The following SPOCK3 variants were observed in gnomAD, a reference collection of about 807,000 sequenced individuals.
SPOCK3 encodes testican-3.
SPOCK3 carries 30 observed loss-of-function variants against 56.6 expected under a neutral mutation model. That is an observed-to-expected ratio of 0.53 (90% CI 0.40 to 0.72). SPOCK3 has a LOEUF of 0.72. Among genes scored for constraint, SPOCK3 ranks in the 30% least tolerant of loss-of-function variants. SPOCK3 has a pLI of 0.00. For missense variants in SPOCK3, 527 were observed against 530.0 expected (o/e 0.99, Z 0.06); for synonymous variants, 196 against 183.3 (o/e 1.07, Z -0.56).
chr4:167,011,658 T>C (rs762834604), intron 3 of SPOCK3, among the ~76,000 whole-genome samples: 2 of 152,134 alleles, frequency 1.3e-5, no homozygotes, highest in Admixed American at 6.6e-5. Context: ...TAGTAAGCCT[T>C]GAGCTTTAAG....
At chr4:166,825,919 A>G (rs1745419750) in intron 6 of SPOCK3, among the ~76,000 whole-genome samples, 1 of 152,056 alleles carries the variant, frequency 6.6e-6, no homozygotes, top group Non-Finnish European at 1.5e-5. Flanking sequence ...AGTGAGGAAT[A>G]AAAGACTGCA....
chr4:166,950,593 C>T (rs2150035003), intron 4 of SPOCK3, among the ~76,000 whole-genome samples: 1 of 151,700 alleles, frequency 6.6e-6, no homozygotes, highest in South Asian at 2.1e-4. Context: ...ACCTAATAGA[C>T]ATCTAAAGAA....
At chr4:166,892,607 T>C (rs1008802720) in intron 5 of SPOCK3, among the ~76,000 whole-genome samples, 2 of 152,084 alleles carry the variant, frequency 1.3e-5, no homozygotes, top group Non-Finnish European at 2.9e-5. Flanking sequence ...CTGAAATATT[T>C]ATAAAGGTAT....
chr4:167,017,908 T>C (rs1410781291), intron 3 of SPOCK3, among the ~76,000 whole-genome samples: 1 of 152,096 alleles, frequency 6.6e-6, no homozygotes, highest in Non-Finnish European at 1.5e-5. Flanking sequence ...ATTGATTAGA[T>C]TGAATTATTT....
chr4:167,129,706 T>C (rs1762555467), intron 2 of SPOCK3, among the ~76,000 whole-genome samples: 1 of 152,178 alleles, frequency 6.6e-6, no homozygotes, highest in Non-Finnish European at 1.5e-5. Context: ...CTTAAACCTA[T>C]GGACTTGAGA....
At chr4:167,034,377 G>A (rs1437729069) in intron 3 of SPOCK3, among the ~76,000 whole-genome samples, 1 of 151,894 alleles carries the variant, frequency 6.6e-6, no homozygotes, top group Non-Finnish European at 1.5e-5. Flanking sequence ...CTGGGTATGG[G>A]AGAGACTCAA....
intron 2 of SPOCK3, among the ~76,000 whole-genome samples, chr4:167,151,625 C>T (rs1291371205): frequency 6.6e-6 from 1 of 151,766 alleles, no homozygotes; most frequent in East Asian, 2.0e-4. Flanking sequence ...TTAGTAGAGA[C>T]GGGGTTTCAC....
chr4:167,113,034 T>C (rs1290425897), intron 2 of SPOCK3, among the ~76,000 whole-genome samples: 3 of 152,108 alleles, frequency 2.0e-5, no homozygotes, highest in Non-Finnish European at 4.4e-5. Flanking sequence ...ATTGATTTTG[T>C]ATCTTAGCAG....
At chr4:166,976,269 T>G (rs2150083190) in intron 4 of SPOCK3, among the ~76,000 whole-genome samples, 1 of 152,324 alleles carries the variant, frequency 6.6e-6, no homozygotes, top group African/African-American at 2.4e-5. Context: ...TATCAAACGC[T>G]ACTGGCTCTT....
At chr4:167,018,524 C>T (rs1750863249) in intron 3 of SPOCK3, among the ~76,000 whole-genome samples, 2 of 152,070 alleles carry the variant, frequency 1.3e-5, no homozygotes, top group African/African-American at 4.8e-5. Flanking sequence ...AAAACAGGTC[C>T]TGCTGGCATC....
At chr4:167,205,242 T>G (rs1166373354) in intron 2 of SPOCK3, among the ~76,000 whole-genome samples, 1 of 83,068 alleles carries the variant, frequency 1.2e-5, no homozygotes, top group African/African-American at 5.0e-5. Flanking sequence ...ATAATACATA[T>G]TATATATTAT....
chr4:166,826,099 G>A (rs1560899650), intron 6 of SPOCK3, among the ~76,000 whole-genome samples: 1 of 152,054 alleles, frequency 6.6e-6, no homozygotes, highest in Non-Finnish European at 1.5e-5. Context: ...CAAGATGTGG[G>A]TAAGGATTAG....
chr4:166,848,309 G>A (rs2126861408), intron 6 of SPOCK3, among the ~76,000 whole-genome samples: 1 of 152,254 alleles, frequency 6.6e-6, no homozygotes, highest in Non-Finnish European at 1.5e-5. Context: ...CTTTGAATTT[G>A]AGGAAAAGGG....
intron 10 of SPOCK3, among the ~76,000 whole-genome samples, chr4:166,735,600 A>G (rs1490741235): frequency 6.6e-6 from 1 of 152,094 alleles, no homozygotes; most frequent in Non-Finnish European, 1.5e-5. Context: ...TAAAATAAAA[A>G]AAAAAATGTT....
chr4:166,751,374 A>C (rs958427354), intron 8 of SPOCK3, among the ~76,000 whole-genome samples: 1 of 152,200 alleles, frequency 6.6e-6, no homozygotes, highest in Non-Finnish European at 1.5e-5. Flanking sequence ...GTTATTGGAA[A>C]AGGACTTGTT....
intron 4 of SPOCK3, among the ~76,000 whole-genome samples, chr4:166,955,488 A>G (rs547173020): frequency 6.8e-6 from 1 of 146,066 alleles, no homozygotes; most frequent in Admixed American, 6.9e-5. Flanking sequence ...TAATTATATT[A>G]TATTATTAAA....
intron 2 of SPOCK3, among the ~76,000 whole-genome samples, chr4:167,081,189 T>C (rs1452068713): frequency 6.6e-6 from 1 of 151,990 alleles, no homozygotes; most frequent in Non-Finnish European, 1.5e-5. Flanking sequence ...GCTCAACAAC[T>C]AACTGGTGAA....
intron 7 of SPOCK3, among the ~76,000 whole-genome samples, chr4:166,762,692 G>A (rs756434179): frequency 1.3e-5 from 2 of 152,070 alleles, no homozygotes; most frequent in South Asian, 2.1e-4. Flanking sequence ...TTTCTGTCTG[G>A]AGACTATATG....
chr4:167,020,529 T>C (rs1202008769), intron 3 of SPOCK3, among the ~76,000 whole-genome samples: 1 of 152,010 alleles, frequency 6.6e-6, no homozygotes, highest in Non-Finnish European at 1.5e-5. Flanking sequence ...GGCTTTTGGG[T>C]GTGAGTTCAC....
Sources: gnomAD v4.1 joint callset for allele counts (sites outside exome capture counted in the v4.1 genomes callset) on GRCh38, gnomAD v4.1.1 for gene constraint, MANE v1.5 for transcripts, NCBI Gene and HGNC (gene_info 2026-07-23, HGNC 2026-07-21) for gene names.